LRP1B: variants seen among roughly 807,000 people sequenced by gnomAD.
LRP1B encodes the protein LDL receptor related protein 1B.
A neutral mutation model predicts 556.6 loss-of-function variants in LRP1B; 217 were observed. That is an observed-to-expected ratio of 0.39 (90% confidence interval 0.35 to 0.44). The LOEUF (loss-of-function observed/expected upper bound fraction) is 0.44. Ranked by LOEUF, LRP1B falls within the 20% of genes least tolerant of loss-of-function variation. LRP1B has a pLI of 1.00. For synonymous variants in LRP1B, 2,047 were observed against 1,865.8 expected, an observed-to-expected ratio of 1.10 and a Z score of -2.50; for missense variants, 5,053 against 5,620.8, an observed-to-expected ratio of 0.90 and a Z score of 3.23.
intron 3 of LRP1B, among the ~76,000 whole-genome samples, chr2:141,319,685 A>G (rs1181182749): frequency 1.3e-5 from 2 of 152,228 alleles, no homozygotes; most frequent in East Asian, 3.9e-4. Flanking sequence ...ATATTCAGGT[A>G]GATAATACAG....
At chr2:141,146,328 T>C (rs1701784449) in intron 7 of LRP1B, among the ~76,000 whole-genome samples, 1 of 152,218 alleles carries the variant, frequency 6.6e-6, no homozygotes, top group Admixed American at 6.5e-5. Flanking sequence ...ATTCACATTA[T>C]TTCACCTTTC....
rs750538701 is a variant in LRP1B at position 140,851,699 on chromosome 2, G to C, written c.4664C>G (p.Ala1555Gly). The change falls in exon 28 of 91, where the codon GCG becomes GGG. Residue 1555 changes from alanine to glycine, a missense_variant. Ala to Gly is a moderately conservative substitution (Grantham distance 60). Coordinates refer to ENST00000389484, the MANE Select transcript of LRP1B (RefSeq NM_018557.3). ...AGAAAGCTTCATCAAGTGGGGGCAC[G>C]CACAGGCAGCACTCCTATTGTGATT... ...LINHNRSAAC[A>G]CPHLMKLSSD... 7.4e-6 allele frequency: 12 copies of C among 1,611,544 alleles called. No homozygotes were observed. The South Asian group carries it at 9.9e-5, about 13-fold the overall frequency.
intron 2 of LRP1B, among the ~76,000 whole-genome samples, chr2:141,761,020 G>C (rs1694525338): frequency 6.6e-6 from 1 of 152,080 alleles, no homozygotes; most frequent in Admixed American, 6.6e-5. Flanking sequence ...TATTTACGGA[G>C]TATGGGGTTG....
chr2:142,037,154 A>G (rs1195554261), intron 1 of LRP1B, among the ~76,000 whole-genome samples: 4 of 151,608 alleles, frequency 2.6e-5, no homozygotes, highest in Admixed American at 2.6e-4. Context: ...CCCCAAGGCT[A>G]TTGTGAATTC....
At chr2:141,783,514 A>C (rs963654266) in intron 2 of LRP1B, among the ~76,000 whole-genome samples, 2 of 151,996 alleles carry the variant, frequency 1.3e-5, no homozygotes, top group African/African-American at 2.4e-5. Flanking sequence ...TAATACACCC[A>C]GCTCTATTCC....
chr2:141,271,785 C>G (rs1303981029), intron 3 of LRP1B, among the ~76,000 whole-genome samples: 1 of 132,440 alleles, frequency 7.6e-6, no homozygotes, highest in African/African-American at 2.7e-5. Context: ...AAAAAAAAAA[C>G]CCAGGATTGA....
chr2:140,713,713 C>T (rs967138718), intron 37 of LRP1B, among the ~76,000 whole-genome samples: 3 of 152,162 alleles, frequency 2.0e-5, no homozygotes, highest in African/African-American at 7.2e-5. Flanking sequence ...CCTACTCTTC[C>T]CTATGTGTAC....
chr2:141,263,425 T>C (rs1011079694), intron 3 of LRP1B, among the ~76,000 whole-genome samples: 4 of 152,060 alleles, frequency 2.6e-5, no homozygotes, highest in Admixed American at 6.6e-5. Context: ...TAGAGAAGTT[T>C]CTTCAAAGTT....
intron 29 of LRP1B, among the ~76,000 whole-genome samples, chr2:140,841,404 A>G (rs1184203211): frequency 6.6e-6 from 1 of 152,128 alleles, no homozygotes; most frequent in East Asian, 1.9e-4. Context: ...AGGTAACCAA[A>G]ATTCAAATTA....
At chr2:141,540,389 A>G (rs1321936953) in intron 2 of LRP1B, among the ~76,000 whole-genome samples, 1 of 152,042 alleles carries the variant, frequency 6.6e-6, no homozygotes, top group African/African-American at 2.4e-5. Context: ...TAATAGATGC[A>G]TTTATAAGTG....
chr2:141,093,644 GA>G (rs370271936), intron 7 of LRP1B, among the ~76,000 whole-genome samples: 1 of 151,778 alleles, frequency 6.6e-6, no homozygotes, highest in Non-Finnish European at 1.5e-5. Flanking sequence ...TGTCTGAACA[GA>G]ATAGAATAAA....
chr2:141,681,632 G>A (rs1691108324), intron 2 of LRP1B, among the ~76,000 whole-genome samples: 1 of 152,052 alleles, frequency 6.6e-6, no homozygotes, highest in South Asian at 2.1e-4. Context: ...AAGATAGCAA[G>A]GTGAAAAGTC....
At chr2:141,798,834 TG>T (rs1695910173) in intron 2 of LRP1B, among the ~76,000 whole-genome samples, 1 of 151,982 alleles carries the variant, frequency 6.6e-6, no homozygotes, top group South Asian at 2.1e-4. Flanking sequence ...AGAATGTGGC[TG>T]TATTTCAAGA....
At chr2:142,116,259 T>C (rs1442768837) in intron 1 of LRP1B, among the ~76,000 whole-genome samples, 1 of 138,408 alleles carries the variant, frequency 7.2e-6, no homozygotes, top group Non-Finnish European at 1.6e-5. Context: ...AAGATTAACA[T>C]AACTAATAAT....
chr2:141,666,550 A>G (rs1690444565), intron 2 of LRP1B, among the ~76,000 whole-genome samples: 1 of 151,996 alleles, frequency 6.6e-6, no homozygotes. Flanking sequence ...CTACCAATAT[A>G]CCTCCATTAC....
At chr2:141,013,452 T>G in intron 14 of LRP1B, 104 bp downstream of exon 14, 1 of 921,080 alleles carries the variant, frequency 1.1e-6, no homozygotes, top group Non-Finnish European at 1.6e-6. Context: ...TTGACATCTT[T>G]TATCATAAAA....
At chr2:140,287,141 G>A (rs1295426143) in intron 84 of LRP1B, among the ~76,000 whole-genome samples, 1 of 151,702 alleles carries the variant, frequency 6.6e-6, no homozygotes, top group Admixed American at 6.6e-5. Flanking sequence ...CATATTCTAG[G>A]AGTGTGAACT....
At chr2:141,200,349 A>C (rs1201868651) in intron 6 of LRP1B, among the ~76,000 whole-genome samples, 1 of 152,122 alleles carries the variant, frequency 6.6e-6, no homozygotes, top group Non-Finnish European at 1.5e-5. Context: ...ACACATGGAC[A>C]CATGAGGTGG....
At chr2:140,724,203 G>C (rs1450364878) in intron 35 of LRP1B, among the ~76,000 whole-genome samples, 2 of 152,144 alleles carry the variant, frequency 1.3e-5, no homozygotes, top group Non-Finnish European at 2.9e-5. Context: ...GCTCAAGTTT[G>C]TCTGGGCACA....
Sources: gnomAD v4.1 joint callset for allele counts (sites outside exome capture counted in the v4.1 genomes callset) on GRCh38, gnomAD v4.1.1 for gene constraint, MANE v1.5 for transcripts, NCBI Gene and HGNC (gene_info 2026-07-23, HGNC 2026-07-21) for gene names.